The following UBAC2 variants were observed in gnomAD, a reference collection of about 807,000 sequenced individuals.
UBAC2 encodes ubiquitin-associated domain-containing protein 2.
UBAC2 carries 26 observed loss-of-function variants against 44.0 expected under a neutral mutation model. The ratio of observed to expected loss-of-function variants is 0.59; its 90% CI spans 0.43 to 0.82. UBAC2 has a LOEUF of 0.82. Among genes scored for constraint, UBAC2 ranks in the 40% least tolerant of loss-of-function variants. UBAC2 has a pLI of 0.00. For synonymous variants in UBAC2, 155 were observed against 154.3 expected, an observed-to-expected ratio of 1.00 and a Z score of -0.04; for missense variants, 329 against 419.4, an observed-to-expected ratio of 0.78 and a Z score of 1.88.
intron 4 of UBAC2, among the ~76,000 whole-genome samples, chr13:99,293,809 T>A (rs753680852): frequency 3.3e-5 from 5 of 152,184 alleles, no homozygotes; most frequent in Non-Finnish European, 5.9e-5. Flanking sequence ...AATAAAATAT[T>A]TTCAGGATAT....
chr13:99,257,197 T>A (rs937482623), intron 4 of UBAC2, among the ~76,000 whole-genome samples: 29 of 152,152 alleles, frequency 1.9e-4, no homozygotes, highest in Non-Finnish European at 2.6e-4. Flanking sequence ...ACATATTAAA[T>A]TTTCCAAATA....
At chr13:99,346,328 C>T (rs151033492) in intron 7 of UBAC2, among the ~76,000 whole-genome samples, 16 of 152,284 alleles carry the variant, frequency 1.1e-4, no homozygotes, top group Non-Finnish European at 1.8e-4. Flanking sequence ...CTGAGCCTGC[C>T]CCACAGCCTC....
In UBAC2 at chr13:99,347,432, A is replaced by T. The variant is rs181405955; in HGVS notation, c.807+6867A>T. Reference sequence around the variant, plus strand: ...AAGGGGCTTCGGTGGAGAGATGGGGATGAGAAGCGCTGCATGAGCTGGAAG... The same window carrying T: ...AAGGGGCTTCGGTGGAGAGATGGGGTTGAGAAGCGCTGCATGAGCTGGAAG... On this transcript the variant is annotated intron_variant, in intron 7 of 8. Coordinates refer to ENST00000403766, the MANE Select transcript of UBAC2 (RefSeq NM_001144072.2). 1.5e-4 allele frequency among the ~76,000 whole-genome samples: 22 copies of T among 146,118 alleles called. No homozygotes were observed. In the Admixed American group the frequency reaches 1.6e-3, roughly 11 times the overall value.
intron 4 of UBAC2, among the ~76,000 whole-genome samples, chr13:99,280,221 T>G (rs1372947595): frequency 6.6e-6 from 1 of 152,212 alleles, no homozygotes; most frequent in East Asian, 1.9e-4. Context: ...AAAGTTTAAC[T>G]TGCTTGTGAC....
chr13:99,237,431 T>C (rs545844300), intron 1 of UBAC2, among the ~76,000 whole-genome samples: 1 of 152,054 alleles, frequency 6.6e-6, no homozygotes, highest in East Asian at 1.9e-4. Flanking sequence ...GAAGCTAAAA[T>C]AGTGGATCTC....
chr13:99,216,834 C>G (rs796779122), intron 1 of UBAC2, among the ~76,000 whole-genome samples: 4 of 140,624 alleles, frequency 2.8e-5, no homozygotes, highest in Non-Finnish European at 6.2e-5. Context: ...TTTCTTTTTT[C>G]TTTTTTTTTT....
intron 4 of UBAC2, among the ~76,000 whole-genome samples, chr13:99,282,478 A>T (rs2043966444): frequency 6.6e-6 from 1 of 152,226 alleles, no homozygotes; most frequent in African/African-American, 2.4e-5. Flanking sequence ...TTGCTGCTCA[A>T]TTCCTTTTAT....
chr13:99,273,962 A>T (rs79888798), intron 4 of UBAC2, among the ~76,000 whole-genome samples: 1,736 of 151,124 alleles, frequency 0.011, 40 homozygotes, highest in African/African-American at 0.04. Context: ...TTAATATTTT[A>T]AAATAAATTT....
intron 8 of UBAC2, among the ~76,000 whole-genome samples, chr13:99,370,607 C>T (rs1428884757): frequency 6.6e-6 from 1 of 152,202 alleles, no homozygotes; most frequent in African/African-American, 2.4e-5. Context: ...ACGCACCTGC[C>T]TCTGTAGCAA....
intron 4 of UBAC2, chr13:99,294,496 C>G (rs1655589291): frequency 6.6e-6 from 1 of 152,292 alleles, no homozygotes; most frequent in African/African-American, 2.4e-5. Flanking sequence ...CCTGACACTC[C>G]CACTGATAGT....
chr13:99,221,966 G>A (rs541345844), intron 1 of UBAC2, among the ~76,000 whole-genome samples: 3 of 152,274 alleles, frequency 2.0e-5, no homozygotes, highest in South Asian at 2.1e-4. Context: ...TGTACTCTCC[G>A]AGTCACAGTT....
At chr13:99,214,870 G>A (rs1314715537) in intron 1 of UBAC2, among the ~76,000 whole-genome samples, 1 of 152,156 alleles carries the variant, frequency 6.6e-6, no homozygotes, top group Non-Finnish European at 1.5e-5. Flanking sequence ...CTGCTGTCAT[G>A]CTTGTTCGGT....
intron 5 of UBAC2, 97 bp downstream of exon 5, chr13:99,314,317 T>G (rs1216709139): frequency 1.1e-5 from 15 of 1,370,830 alleles, no homozygotes; most frequent in South Asian, 1.6e-5. Flanking sequence ...AAAACAATGG[T>G]TTTTTTCCCC....
At chr13:99,266,900 CGT>C (rs1407321400) in intron 4 of UBAC2, among the ~76,000 whole-genome samples, 1 of 152,150 alleles carries the variant, frequency 6.6e-6, no homozygotes, top group African/African-American at 2.4e-5. Context: ...ATTGCCGGAT[CGT>C]GTGGTAATTC....
chr13:99,258,157 C>G (rs1484425497), intron 4 of UBAC2: 1 of 152,236 alleles, frequency 6.6e-6, no homozygotes, highest in Non-Finnish European at 1.5e-5. Context: ...TGCTTACCTC[C>G]TGTCCATCAA....
intron 4 of UBAC2, among the ~76,000 whole-genome samples, chr13:99,248,326 C>T (rs192988921): frequency 4.4e-4 from 67 of 152,096 alleles, no homozygotes; most frequent in South Asian, 2.1e-3. Context: ...TGGGTTCAAG[C>T]AGTCCTCCCA....
intron 1 of UBAC2, among the ~76,000 whole-genome samples, chr13:99,230,212 A>G (rs1446591928): frequency 6.6e-6 from 1 of 152,158 alleles, no homozygotes; most frequent in Non-Finnish European, 1.5e-5. Flanking sequence ...GCCTGTAATC[A>G]TAGCACTTTG....
At chr13:99,314,439 T>A (rs182858975) in intron 5 of UBAC2, among the ~76,000 whole-genome samples, 27 of 152,314 alleles carry the variant, frequency 1.8e-4, no homozygotes, top group Admixed American at 8.5e-4. Flanking sequence ...AGAAATCTGA[T>A]AAGAGCTTTC....
At chr13:99,278,887 G>T (rs2043918050) in intron 4 of UBAC2, among the ~76,000 whole-genome samples, 1 of 152,126 alleles carries the variant, frequency 6.6e-6, no homozygotes. Flanking sequence ...TCCAAGTCAA[G>T]GTAAAGCAAC....
Sources: gnomAD v4.1 joint callset for allele counts (sites outside exome capture counted in the v4.1 genomes callset) on GRCh38, gnomAD v4.1.1 for gene constraint, MANE v1.5 for transcripts, NCBI Gene and HGNC (gene_info 2026-07-23, HGNC 2026-07-21) for gene names.